GDAP2: variants seen among roughly 807,000 people sequenced by gnomAD.
GDAP2 encodes ganglioside-induced differentiation-associated protein 2.
GDAP2 carries 51 observed loss-of-function variants against 67.0 expected under a neutral mutation model. The observed-to-expected ratio is 0.76, with a 90% CI of 0.61 to 0.96. The LOEUF (loss-of-function observed/expected upper bound fraction) is 0.96, where lower values mean the gene tolerates loss of function less well. Ranked by LOEUF, GDAP2 falls within the 40% of genes least tolerant of loss-of-function variation. The pLI is 0.00. For missense variants in GDAP2, 547 were observed against 588.3 expected (o/e 0.93, Z 0.73); for synonymous variants, 203 against 207.3 (o/e 0.98, Z 0.18).
chr1:117,880,292 A>C (rs1187628883), intron 12 of GDAP2, among the ~76,000 whole-genome samples: 1 of 152,176 alleles, frequency 6.6e-6, no homozygotes, highest in East Asian at 1.9e-4. Flanking sequence ...AAGCCAAGAC[A>C]AACTGTGTCA....
chr1:117,902,857 A>G (rs1431965416), intron 6 of GDAP2, among the ~76,000 whole-genome samples: 1 of 152,234 alleles, frequency 6.6e-6, no homozygotes, highest in Non-Finnish European at 1.5e-5. Flanking sequence ...TATGGTCAGT[A>G]CTGTTATCTT....
In GDAP2 at chr1:117,881,252, G is replaced by A. The variant is rs563975326; in HGVS notation, c.1302+571C>T. Reference sequence around the variant, plus strand: ...TATTTTCAGAAAGTAAAAAGACCAAGAGACTAGATATCTTGATGAAGTCAA... The same window carrying A: ...TATTTTCAGAAAGTAAAAAGACCAAAAGACTAGATATCTTGATGAAGTCAA... On this transcript the variant is annotated intron_variant, in intron 12 of 13. Transcript: ENST00000369443. Among the ~76,000 whole-genome samples the A allele has an allele frequency of 8.1e-4, 124 of 152,254 alleles. 3 individuals carry two copies. Among genetic ancestry groups the A allele is most frequent in the South Asian group, 8.3e-4 (4 of 4,818 alleles).
At chr1:117,927,423 G>A (rs745967247) in intron 1 of GDAP2, among the ~76,000 whole-genome samples, 17 of 152,176 alleles carry the variant, frequency 1.1e-4, no homozygotes, top group African/African-American at 4.1e-4. Context: ...AGAGAAAAAT[G>A]GTAACTTTTA....
At chr1:117,925,517 AC>A (rs1650415243) in intron 1 of GDAP2, among the ~76,000 whole-genome samples, 1 of 152,196 alleles carries the variant, frequency 6.6e-6, no homozygotes, top group South Asian at 2.1e-4. Flanking sequence ...AAATTCCTCA[AC>A]TTTTGATGTA....
chr1:117,888,206 C>T (rs1648938112), intron 8 of GDAP2, among the ~76,000 whole-genome samples: 3 of 152,138 alleles, frequency 2.0e-5, no homozygotes, highest in African/African-American at 7.2e-5. Flanking sequence ...ACTGAGAATA[C>T]TATCATGAAA....
rs746809235 is a variant in GDAP2, at chr1:117,918,591, A to G, written c.316+6T>C. The stretch of plus-strand genomic sequence containing the variant: ...AGCAATAATATATGAAAGAAAATTC[A>G]CTCACCTTTAAGTTTCTGGAGATCT... On this transcript the variant is annotated splice_donor_region_variant and intron_variant, in intron 3 of 13. Transcript: ENST00000369443. 6.3e-7 allele frequency: 1 copy of G among 1,596,710 alleles called. No homozygotes were observed. The highest frequency in any genetic ancestry group is 8.6e-7 in the Non-Finnish European group (1 of 1,164,528).
intron 13 of GDAP2, among the ~76,000 whole-genome samples, chr1:117,874,327 A>G (rs1377608695): frequency 6.6e-6 from 1 of 152,104 alleles, no homozygotes; most frequent in East Asian, 1.9e-4. Context: ...CTTGTTGTTA[A>G]AAAGGGCCTG....
intron 11 of GDAP2, among the ~76,000 whole-genome samples, chr1:117,882,695 A>T (rs1557796234): frequency 1.3e-5 from 2 of 152,274 alleles, no homozygotes; most frequent in African/African-American, 4.8e-5. Flanking sequence ...AGAGTAAGCT[A>T]AAAAGGTGTC....
rs561874898 is a variant in GDAP2, at chr1:117,874,180, C to T, written c.1447-3564G>A. On this transcript the variant is annotated intron_variant, in intron 13 of 13. Coordinates refer to ENST00000369443, the MANE Select transcript of GDAP2 (RefSeq NM_017686.4). The stretch of plus-strand genomic sequence containing the variant: ...TAGTTTGAATATCTGACCTTCCAAA[C>T]TTCATGTTGAAATTTGATCCCCATG... Among the ~76,000 whole-genome samples, 3 of 152,330 alleles carry T rather than the reference C, an allele frequency of 2.0e-5. No homozygotes were observed. The East Asian group carries it at 5.8e-4, about 29-fold the overall frequency.
chr1:117,871,236 A>C (rs1648247234), intron 13 of GDAP2, among the ~76,000 whole-genome samples: 1 of 152,200 alleles, frequency 6.6e-6, no homozygotes. Context: ...GTTCAAGATC[A>C]AGATGGAGAA....
At chr1:117,879,792 A>G (rs1383301393) in intron 12 of GDAP2, among the ~76,000 whole-genome samples, 1 of 152,148 alleles carries the variant, frequency 6.6e-6, no homozygotes, top group East Asian at 1.9e-4. Flanking sequence ...AAGATTGCAT[A>G]TATTTTGGAG....
intron 13 of GDAP2, among the ~76,000 whole-genome samples, chr1:117,872,543 A>G (rs954590538): frequency 2.6e-5 from 4 of 152,186 alleles, no homozygotes; most frequent in Non-Finnish European, 5.9e-5. Flanking sequence ...CTTTGCAGAG[A>G]CACGGATGAA....
Position 117,900,486 on chromosome 1 carries a change from G to A in GDAP2, c.637-1270C>T, listed in dbSNP as rs531851807. Among the ~76,000 whole-genome samples, 92 of 152,204 alleles carry A rather than the reference G, an allele frequency of 6.0e-4. 1 individual carries two copies. Among genetic ancestry groups the A allele is most frequent in the African/African-American group, 2.1e-3 (86 of 41,524 alleles). ...GACATTTCATAAAAATGGAATACAGGGCCAGGCACAGTGGCTCATGCCTGT... is the reference window on the plus strand; with the variant it reads ...GACATTTCATAAAAATGGAATACAGAGCCAGGCACAGTGGCTCATGCCTGT... On this transcript the variant is annotated intron_variant, in intron 6 of 13. Transcript: ENST00000369443.
intron 6 of GDAP2, among the ~76,000 whole-genome samples, chr1:117,902,097 G>A (rs1649492073): frequency 6.6e-6 from 1 of 152,144 alleles, no homozygotes; most frequent in Non-Finnish European, 1.5e-5. Flanking sequence ...CCGTGGCCCT[G>A]CATAGCACCC....
chr1:117,875,527 C>T (rs1002996626), intron 13 of GDAP2, among the ~76,000 whole-genome samples: 1 of 152,222 alleles, frequency 6.6e-6, no homozygotes, highest in Non-Finnish European at 1.5e-5. Flanking sequence ...GGGGCACTGC[C>T]TAGTGGAGCT....
intron 2 of GDAP2, among the ~76,000 whole-genome samples, chr1:117,919,026 C>T (rs1031401251): frequency 2.0e-5 from 3 of 152,094 alleles, no homozygotes; most frequent in South Asian, 2.1e-4. Flanking sequence ...CATCAACTAA[C>T]GAACTGATAC....
chr1:117,905,387 G>A (rs563946156), intron 6 of GDAP2, among the ~76,000 whole-genome samples: 1 of 152,252 alleles, frequency 6.6e-6, no homozygotes, highest in Admixed American at 6.5e-5. Context: ...TTGATGCTAT[G>A]TCTTATTTCT....
intron 3 of GDAP2, among the ~76,000 whole-genome samples, chr1:117,913,196 T>C (rs1322405617): frequency 1.3e-5 from 2 of 152,148 alleles, no homozygotes; most frequent in Non-Finnish European, 2.9e-5. Context: ...AGTTACTATA[T>C]GCAAAGTGCA....
chr1:117,925,297 C>T (rs941876633), intron 1 of GDAP2, among the ~76,000 whole-genome samples: 1 of 151,832 alleles, frequency 6.6e-6, no homozygotes, highest in African/African-American at 2.4e-5. Flanking sequence ...TACAAGAATA[C>T]AAAAAACTAG....
Sources: allele counts gnomAD v4.1 joint callset (sites outside exome capture counted in the v4.1 genomes callset), GRCh38; gene constraint gnomAD v4.1.1; transcripts MANE v1.5; gene names NCBI Gene and HGNC (gene_info 2026-07-23, HGNC 2026-07-21).